Variants in NLRP4 observed in about 807,000 individuals in gnomAD.
NLRP4 encodes the protein NACHT, LRR and PYD domains-containing protein 4.
NLRP4 carries 44 observed loss-of-function variants against 84.7 expected under a neutral mutation model. That is an observed-to-expected ratio of 0.52 (90% CI 0.41 to 0.67). The LOEUF (loss-of-function observed/expected upper bound fraction) is 0.67, where lower values mean the gene tolerates loss of function less well. Ranked by LOEUF, NLRP4 falls within the 30% of genes least tolerant of loss-of-function variation. The pLI is 0.00. For synonymous variants in NLRP4, 544 were observed against 476.4 expected (o/e 1.14, Z -1.85); for missense variants, 1,260 against 1,219.4 (o/e 1.03, Z -0.50).
At chr19:55,849,860 T>G (rs1278941737) in intron 1 of NLRP4, among the ~76,000 whole-genome samples, 1 of 145,916 alleles carries the variant, frequency 6.9e-6, no homozygotes, top group Non-Finnish European at 1.5e-5. Flanking sequence ...GAGACTGCGG[T>G]GTAATTTCCG....
chr19:55,880,156 A>G lies in NLRP4; in HGVS notation c.2867+1192A>G, dbSNP rs138740036. On this transcript the variant is annotated intron_variant, in intron 9 of 9. Transcript: ENST00000301295. ...TTAAAACTGTTATAACTCTAACGCT[A>G]AAGAACATTCACTGATTTTTTTTTT... is the stretch of plus-strand genomic sequence containing the variant. Among the ~76,000 whole-genome samples, 462 of 132,354 alleles carry G rather than the reference A, an allele frequency of 3.5e-3. 2 individuals are homozygous for G. The highest frequency in any genetic ancestry group is 0.012 in the African/African-American group (439 of 35,700). The allele number at this position is 132,354 out of a possible 152,430, so 86.8% of individuals were successfully genotyped here.
chr19:55,869,468 G>C (rs1380357207), intron 6 of NLRP4, among the ~76,000 whole-genome samples: 1 of 152,106 alleles, frequency 6.6e-6, no homozygotes, highest in South Asian at 2.1e-4. Context: ...AGCTGGGTGA[G>C]GCCTCCGTGG....
At chr19:55,840,001 A>G (rs1189716804) in intron 1 of NLRP4, among the ~76,000 whole-genome samples, 1 of 152,138 alleles carries the variant, frequency 6.6e-6, no homozygotes, top group Non-Finnish European at 1.5e-5. Context: ...AATGTCCTTC[A>G]TTTCATTGTC....
chr19:55,859,572 T>C (rs1366726994), intron 3 of NLRP4, among the ~76,000 whole-genome samples: 1 of 152,128 alleles, frequency 6.6e-6, no homozygotes, highest in African/African-American at 2.4e-5. Flanking sequence ...TATTTTTCCA[T>C]AGCACCACAC....
At chr19:55,838,213 G>C (rs776295978) in intron 1 of NLRP4, among the ~76,000 whole-genome samples, 13 of 151,294 alleles carry the variant, frequency 8.6e-5, no homozygotes, top group Non-Finnish European at 1.6e-4. Flanking sequence ...GAGGCAGGAG[G>C]ATTGCTTGAA....
At chr19:55,852,758 T>G (rs1217862672) in intron 2 of NLRP4, among the ~76,000 whole-genome samples, 1 of 152,192 alleles carries the variant, frequency 6.6e-6, no homozygotes, top group Non-Finnish European at 1.5e-5. Flanking sequence ...ATTATAGGCA[T>G]GATCCACCAT....
rs111459865 is a variant in NLRP4 at position 55,859,882 on chromosome 19, G to A, written c.1856+633G>A. Among the ~76,000 whole-genome samples, 1,083 of 113,824 alleles carry A rather than the reference G, an allele frequency of 9.5e-3. 8 individuals are homozygous for A. The highest frequency in any genetic ancestry group is 0.013 in the Non-Finnish European group (773 of 61,496). 74.7% of individuals were successfully genotyped at this position (113,824 alleles called of 152,430 possible). ...GCAGAGGTTGCAGTGAGCTGAGATC[G>A]CACCACTGCCCTCCAGGCTGGGTGA... On this transcript the variant is annotated intron_variant, in intron 3 of 9. Coordinates refer to ENST00000301295, the MANE Select transcript of NLRP4 (RefSeq NM_134444.5).
At chr19:55,877,188 G>A in intron 8 of NLRP4, 22 bp downstream of exon 8, 4 of 1,609,002 alleles carry the variant, frequency 2.5e-6, no homozygotes, top group Non-Finnish European at 2.6e-6. Flanking sequence ...CAAGCTCCTG[G>A]TTATGTTTTC....
intron 9 of NLRP4, among the ~76,000 whole-genome samples, chr19:55,880,454 A>G (rs1048562778): frequency 6.6e-6 from 1 of 152,234 alleles, no homozygotes; most frequent in African/African-American, 2.4e-5. Context: ...TCAGCCTCCT[A>G]TCTACAAAAT....
intron 1 of NLRP4, among the ~76,000 whole-genome samples, chr19:55,840,374 G>A (rs974440526): frequency 2.4e-4 from 35 of 145,280 alleles, no homozygotes; most frequent in African/African-American, 8.5e-4. Context: ...GTGTGTGTGT[G>A]TGTATACATA....
intron 2 of NLRP4, among the ~76,000 whole-genome samples, chr19:55,854,479 G>A (rs929734948): frequency 2.0e-5 from 3 of 151,882 alleles, no homozygotes; most frequent in East Asian, 3.9e-4. Context: ...TAGTATGTCC[G>A]GTAATTTTGA....
chr19:55,875,867 G>GA (rs56984628), intron 7 of NLRP4, among the ~76,000 whole-genome samples: 3,999 of 142,154 alleles, frequency 0.028, 148 homozygotes, highest in African/African-American at 0.086. Context: ...CGTCTCTACT[G>GA]AAAAAAAAAA....
At chr19:55,880,345 A>T (rs953424040) in intron 9 of NLRP4, among the ~76,000 whole-genome samples, 5 of 152,232 alleles carry the variant, frequency 3.3e-5, no homozygotes, top group African/African-American at 1.2e-4. Context: ...GAAGGACTCA[A>T]ATTGTCTGCA....
At chr19:55,854,344 A>T (rs1022836180) in intron 2 of NLRP4, among the ~76,000 whole-genome samples, 1 of 151,968 alleles carries the variant, frequency 6.6e-6, no homozygotes, top group African/African-American at 2.4e-5. Context: ...ATTTTTTCTC[A>T]ATATTTATTC....
intron 1 of NLRP4, among the ~76,000 whole-genome samples, chr19:55,838,130 C>T (rs1278143233): frequency 1.3e-5 from 2 of 148,374 alleles, no homozygotes; most frequent in Admixed American, 6.8e-5. Context: ...ACCAGCCTGA[C>T]CAACATGGTG....
At position 55,857,782 on chromosome 19, in the gene NLRP4, A is replaced by AAGAATGTG. The variant is rs1365882093; in HGVS notation, c.391_398dup (p.Asp133GlufsTer22). The AAGAATGTG allele has an allele frequency of 1.4e-5, 22 of 1,614,038 alleles. No homozygotes were observed. The highest frequency in any genetic ancestry group is 1.8e-5 in the Non-Finnish European group (21 of 1,180,004). On this transcript the variant is annotated frameshift_variant, in exon 3 of 10. Coordinates refer to ENST00000301295, the MANE Select transcript of NLRP4 (RefSeq NM_134444.5). LOFTEE classifies it high-confidence loss of function. ...TACTTTGAGGAGGAAGTCAAGCAAG[A>AAGAATGTG]AGAATGTGACCATTTGGACCGCCTT...
intron 2 of NLRP4, 117 bp downstream of exon 2, chr19:55,852,477 T>TTATTAGG (rs1984204651): frequency 1.1e-5 from 1 of 88,752 alleles, no homozygotes; most frequent in African/African-American, 2.0e-4. Flanking sequence ...AAATATTAGG[T>TTATTAGG]TTTTTTTTTT....
chr19:55,870,673 A>T (rs932664981), intron 6 of NLRP4, among the ~76,000 whole-genome samples, 154 bp from the exon 7 acceptor site: 4 of 152,138 alleles, frequency 2.6e-5, no homozygotes, highest in African/African-American at 9.7e-5. Context: ...CAAAAGAATA[A>T]ATGAGAGGAG....
chr19:55,846,699 C>T (rs1446036031), intron 1 of NLRP4, among the ~76,000 whole-genome samples: 1 of 152,114 alleles, frequency 6.6e-6, no homozygotes, highest in Non-Finnish European at 1.5e-5. Flanking sequence ...TGGGGATTTG[C>T]ATAGCAAGTT....
Sources: gnomAD v4.1 joint callset for allele counts (sites outside exome capture counted in the v4.1 genomes callset) on GRCh38, gnomAD v4.1.1 for gene constraint, MANE v1.5 for transcripts, NCBI Gene and HGNC (gene_info 2026-07-23, HGNC 2026-07-21) for gene names.